Variants in GALNT13 observed in about 807,000 individuals in gnomAD.
The protein encoded by GALNT13 is polypeptide N-acetylgalactosaminyltransferase 13.
A neutral mutation model predicts 64.2 loss-of-function variants in GALNT13; 28 were observed. That is an observed-to-expected ratio of 0.44 (90% CI 0.32 to 0.60). The LOEUF (loss-of-function observed/expected upper bound fraction) is 0.60, where lower values mean the gene tolerates loss of function less well. Among genes scored for constraint, GALNT13 ranks in the 20% least tolerant of loss-of-function variants. GALNT13 has a pLI of 0.05. For synonymous variants in GALNT13, 214 were observed against 224.6 expected (o/e 0.95, Z 0.42); for missense variants, 577 against 669.8 (o/e 0.86, Z 1.53).
chr2:153,293,111 T>A, the GALNT13 span, among the ~76,000 whole-genome samples: 1 of 152,100 alleles, frequency 6.6e-6, no homozygotes, highest in African/African-American at 2.4e-5. Flanking sequence ...CTTCTTTATT[T>A]CCTGTACTTA....
chr2:153,256,049 T>A, the GALNT13 span, among the ~76,000 whole-genome samples: 1 of 152,192 alleles, frequency 6.6e-6, no homozygotes, highest in African/African-American at 2.4e-5. Flanking sequence ...CTGCATAATA[T>A]CCTGCAGAGT....
the GALNT13 span, among the ~76,000 whole-genome samples, chr2:153,733,613 T>C: frequency 1.3e-5 from 2 of 152,182 alleles, no homozygotes; most frequent in Admixed American, 6.6e-5. Context: ...CTGCCCTTTT[T>C]AGCAAAGACT....
chr2:153,432,935 G>T, the GALNT13 span, among the ~76,000 whole-genome samples: 3 of 151,854 alleles, frequency 2.0e-5, no homozygotes, highest in Admixed American at 2.0e-4. Context: ...CCTAATTTTT[G>T]CAGTGTCTTT....
At chr2:154,204,715 C>T (rs904179797) in intron 4 of GALNT13, among the ~76,000 whole-genome samples, 3 of 152,166 alleles carry the variant, frequency 2.0e-5, no homozygotes, top group Non-Finnish European at 4.4e-5. Context: ...TTTTTAGCTT[C>T]ATTTTCTGCC....
At chr2:153,126,305 T>TATAC in the GALNT13 span, among the ~76,000 whole-genome samples, 1 of 9,326 alleles carries the variant, frequency 1.1e-4, no homozygotes, top group African/African-American at 4.0e-4. Context: ...TGTATATATA[T>TATAC]ATATATATAT....
At chr2:153,825,654 A>G in the GALNT13 span, among the ~76,000 whole-genome samples, 10 of 103,374 alleles carry the variant, frequency 9.7e-5, no homozygotes, top group Middle Eastern at 5.1e-3. Flanking sequence ...GTGTGTGTGT[A>G]TCCACTGAAA....
At chr2:153,821,743 C>T in the GALNT13 span, among the ~76,000 whole-genome samples, 2 of 152,096 alleles carry the variant, frequency 1.3e-5, no homozygotes, top group African/African-American at 4.8e-5. Context: ...CAGAGCAGAA[C>T]TGAACAGAAT....
At chr2:153,613,629 TGAA>T in the GALNT13 span, among the ~76,000 whole-genome samples, 1 of 152,100 alleles carries the variant, frequency 6.6e-6, no homozygotes, top group South Asian at 2.1e-4. Flanking sequence ...GAAAATAAAA[TGAA>T]GAATCCTGAT....
At chr2:154,360,924 G>A (rs990699010) in intron 9 of GALNT13, among the ~76,000 whole-genome samples, 18 of 152,214 alleles carry the variant, frequency 1.2e-4, no homozygotes, top group Non-Finnish European at 2.1e-4. Context: ...TACTTTAGAA[G>A]CATGGGGAAG....
chr2:153,626,552 A>G, the GALNT13 span, among the ~76,000 whole-genome samples: 4 of 152,110 alleles, frequency 2.6e-5, no homozygotes, highest in African/African-American at 7.2e-5. Flanking sequence ...TTGTAGCTCT[A>G]CTTTCCATGC....
chr2:153,069,738 A>G, the GALNT13 span, among the ~76,000 whole-genome samples: 2 of 152,060 alleles, frequency 1.3e-5, no homozygotes, highest in Non-Finnish European at 2.9e-5. Context: ...GTAATTGAAA[A>G]TGGGTTATTT....
chr2:154,137,398 C>T lies in GALNT13; in HGVS notation c.143-2939C>T, dbSNP rs142676879. ...AATGTATTTAACTCTGGGGAGAAGA[C>T]GCTTAACCTGATATTCTTTAAGTTG... On this transcript the variant is annotated intron_variant, in intron 3 of 12. Transcript: ENST00000392825. Among the ~76,000 whole-genome samples, 15 of 152,044 alleles carry T rather than the reference C, an allele frequency of 9.9e-5. No individual in the cohort carries two copies. In the East Asian group the frequency reaches 2.9e-3, roughly 29 times the overall value.
the GALNT13 span, among the ~76,000 whole-genome samples, chr2:153,254,052 C>T: frequency 6.6e-6 from 1 of 152,108 alleles, no homozygotes; most frequent in Admixed American, 6.5e-5. Flanking sequence ...GGTACCAGTT[C>T]CTCCTTGTAC....
the GALNT13 span, among the ~76,000 whole-genome samples, chr2:153,590,039 C>T: frequency 2.6e-5 from 4 of 151,972 alleles, no homozygotes; most frequent in East Asian, 1.9e-4. Context: ...CCAAAAAATA[C>T]AAAAAGCCAA....
At chr2:153,163,473 C>T in the GALNT13 span, among the ~76,000 whole-genome samples, 1 of 152,124 alleles carries the variant, frequency 6.6e-6, no homozygotes, top group African/African-American at 2.4e-5. Context: ...TGACTTCTTC[C>T]TCAACAAATG....
intron 3 of GALNT13, among the ~76,000 whole-genome samples, chr2:153,968,671 T>C (rs1436838488): frequency 6.6e-6 from 1 of 152,226 alleles, no homozygotes; most frequent in Non-Finnish European, 1.5e-5. Context: ...CTCTGAAAAG[T>C]AGTTTCTGAT....
the GALNT13 span, among the ~76,000 whole-genome samples, chr2:153,383,714 G>A: frequency 6.6e-6 from 1 of 151,902 alleles, no homozygotes; most frequent in Non-Finnish European, 1.5e-5. Flanking sequence ...TTGATTGATT[G>A]TTCAGTAGAT....
At chr2:154,407,356 A>T (rs1211473752) in intron 10 of GALNT13, among the ~76,000 whole-genome samples, 1 of 152,160 alleles carries the variant, frequency 6.6e-6, no homozygotes. Flanking sequence ...TCTTCCTTTT[A>T]TGAAAAGTCA....
chr2:153,195,199 G>A, the GALNT13 span, among the ~76,000 whole-genome samples: 2 of 152,040 alleles, frequency 1.3e-5, no homozygotes, highest in African/African-American at 4.8e-5. Flanking sequence ...ATAGTGTTAC[G>A]GGATCTTTGG....
Sources: gnomAD v4.1 joint callset for allele counts (sites outside exome capture counted in the v4.1 genomes callset) on GRCh38, gnomAD v4.1.1 for gene constraint, MANE v1.5 for transcripts, NCBI Gene and HGNC (gene_info 2026-07-23, HGNC 2026-07-21) for gene names.